Variants in ATIC observed in about 807,000 individuals in gnomAD.
ATIC encodes the protein bifunctional purine biosynthesis protein ATIC.
ATIC carries 64 observed loss-of-function variants against 72.5 expected under a neutral mutation model. The ratio of observed to expected loss-of-function variants is 0.88; its 90% confidence interval spans 0.72 to 1.09. ATIC has a LOEUF of 1.09. Ranked by LOEUF, ATIC falls within the 50% of genes least tolerant of loss-of-function variation. The pLI, the probability that ATIC is intolerant of heterozygous loss-of-function variation, is 0.00. For synonymous variants in ATIC, 281 were observed against 267.1 expected (o/e 1.05, Z -0.51); for missense variants, 787 against 732.4 (o/e 1.07, Z -0.86).
intron 14 of ATIC, chr2:215,347,179 C>T: frequency 1.9e-6 from 1 of 533,328 alleles, no homozygotes; most frequent in Non-Finnish European, 3.3e-6. Context: ...TTTTAAATTG[C>T]AGCCTTGGTG....
At chr2:215,367,970 G>A in the ATIC span, 4 of 1,614,188 alleles carry the variant, frequency 2.5e-6, no homozygotes, top group South Asian at 1.1e-5. Context: ...GGCATAATGG[G>A]AAACTGTGTA....
chr2:215,350,505 C>T (rs531747284), downstream of ATIC, among the ~76,000 whole-genome samples: 7 of 152,284 alleles, frequency 4.6e-5, no homozygotes, highest in African/African-American at 1.7e-4. Flanking sequence ...AGCAGATTGG[C>T]ACCTGTGAAC....
chr2:215,315,266 T>C (rs962232771), intron 2 of ATIC, among the ~76,000 whole-genome samples: 1 of 152,234 alleles, frequency 6.6e-6, no homozygotes, highest in Non-Finnish European at 1.5e-5. Flanking sequence ...AAAAGAGTTT[T>C]AGTTTCTGTA....
the ATIC span, chr2:215,362,985 C>CT: frequency 6.6e-6 from 1 of 152,172 alleles, no homozygotes; most frequent in East Asian, 1.9e-4. Flanking sequence ...TTGAGTTGGA[C>CT]TTTTTTCTTA....
At chr2:215,339,667 C>T (rs2106030602) in intron 12 of ATIC, among the ~76,000 whole-genome samples, 1 of 152,156 alleles carries the variant, frequency 6.6e-6, no homozygotes. Context: ...CAGAGTCTTG[C>T]TCTGTCACCC....
At chr2:215,353,393 CAT>C (rs1559283339), downstream of ATIC, among the ~76,000 whole-genome samples, 2 of 152,134 alleles carry the variant, frequency 1.3e-5, no homozygotes, top group Non-Finnish European at 2.9e-5. Flanking sequence ...CTTGGGGTCA[CAT>C]TTTCACTTAG....
the ATIC span, chr2:215,363,727 C>T: frequency 7.2e-5 from 11 of 151,934 alleles, no homozygotes; most frequent in Admixed American, 5.9e-4. Flanking sequence ...GGCATGTCTT[C>T]GTTGAAAACA....
chr2:215,362,073 G>C, the ATIC span: 1 of 1,613,092 alleles, frequency 6.2e-7, no homozygotes, highest in Non-Finnish European at 8.5e-7. Flanking sequence ...TTGTCACAGC[G>C]CCAGCCCTGA....
the ATIC span, chr2:215,367,786 G>A: frequency 7.0e-7 from 1 of 1,430,036 alleles, no homozygotes; most frequent in Non-Finnish European, 9.8e-7. Flanking sequence ...TTCCAAACAT[G>A]CTTCCTTGGC....
rs141731879 is a variant in ATIC, at chr2:215,344,803, C to G, written c.1252C>G (p.Leu418Val). ...KDLPESALRD[L>V]IVATIAVKYT... ...GTTGCCAGAGTCTGCCCTCCGAGACCTCATCGTAGCCACCATTGCTGTCAA... is the reference window on the plus strand; with the variant it reads ...GTTGCCAGAGTCTGCCCTCCGAGACGTCATCGTAGCCACCATTGCTGTCAA... Residue 418 changes from leucine (L) to valine (V), a missense_variant, in exon 13 of 16, where the codon CTC (leucine) becomes GTC (valine). Physicochemically the swap from Leu to Val is conservative, Grantham distance 32. Transcript: ENST00000236959. 1.2e-6 allele frequency: 2 copies of G among 1,613,904 alleles called. No homozygotes were observed. The highest frequency in any genetic ancestry group is 1.7e-6 in the Non-Finnish European group (2 of 1,180,000).
intron 4 of ATIC, among the ~76,000 whole-genome samples, chr2:215,320,944 C>G (rs929568283): frequency 6.6e-6 from 1 of 152,056 alleles, no homozygotes; most frequent in African/African-American, 2.4e-5. Flanking sequence ...ATGGGGAGGG[C>G]ACCAAGCCAT....
chr2:215,325,842 A>G (rs1000896855), intron 5 of ATIC, 145 bp from the exon 6 acceptor site: 20 of 981,850 alleles, frequency 2.0e-5, no homozygotes, highest in Middle Eastern at 3.2e-4. Context: ...CTGGGATTCC[A>G]GGCATGAGCC....
intron 4 of ATIC, among the ~76,000 whole-genome samples, chr2:215,319,955 A>C (rs969976234): frequency 3.3e-5 from 5 of 152,182 alleles, no homozygotes; most frequent in Non-Finnish European, 1.5e-5. Flanking sequence ...GTATAGGTTG[A>C]GTATCCCTTA....
At chr2:215,339,951 A>T (rs1278970829) in intron 12 of ATIC, among the ~76,000 whole-genome samples, 2 of 150,252 alleles carry the variant, frequency 1.3e-5, no homozygotes, top group African/African-American at 2.4e-5. Flanking sequence ...TATTTTTTTT[A>T]AGAGACTTTT....
chr2:215,330,862 C>T (rs1026162668), intron 7 of ATIC, among the ~76,000 whole-genome samples: 1 of 152,138 alleles, frequency 6.6e-6, no homozygotes, highest in East Asian at 1.9e-4. Flanking sequence ...TGACTCTGTA[C>T]CCATTTCCAG....
the ATIC span, among the ~76,000 whole-genome samples, chr2:215,358,447 GA>G: frequency 1.4e-4 from 22 of 151,994 alleles, no homozygotes; most frequent in African/African-American, 5.3e-4. Flanking sequence ...AAGATCTTTG[GA>G]AATAGTTGGT....
At chr2:215,326,287 T>G in intron 6 of ATIC, 149 bp downstream of exon 6, 4 of 1,069,430 alleles carry the variant, frequency 3.7e-6, no homozygotes, top group Non-Finnish European at 5.4e-6. Flanking sequence ...AGAAACCAGC[T>G]ATTACAGAGG....
the ATIC span, among the ~76,000 whole-genome samples, chr2:215,356,028 G>A: frequency 6.6e-6 from 1 of 152,222 alleles, no homozygotes; most frequent in African/African-American, 2.4e-5. Context: ...TCGAGTCCCA[G>A]TTCTCCTACT....
chr2:215,314,251 C>T (rs202129825), intron 2 of ATIC, among the ~76,000 whole-genome samples: 2 of 152,154 alleles, frequency 1.3e-5, no homozygotes, highest in East Asian at 3.9e-4. Flanking sequence ...TAGACCCCAG[C>T]ACAGTAAAGT....
Sources: allele counts gnomAD v4.1 joint callset (sites outside exome capture counted in the v4.1 genomes callset), GRCh38; gene constraint gnomAD v4.1.1; transcripts MANE v1.5; gene names NCBI Gene and HGNC (gene_info 2026-07-23, HGNC 2026-07-21).